DPF3: variants seen among roughly 807,000 people sequenced by gnomAD.
DPF3 encodes zinc finger protein DPF3.
DPF3 carries 18 observed loss-of-function variants against 56.8 expected under a neutral mutation model. That is an observed-to-expected ratio of 0.32 (90% CI 0.22 to 0.47). DPF3 has a LOEUF of 0.47. Ranked by LOEUF, DPF3 falls within the 20% of genes least tolerant of loss-of-function variation. DPF3 has a pLI of 1.00. For synonymous variants in DPF3, 188 were observed against 180.2 expected (o/e 1.04, Z -0.35); for missense variants, 403 against 488.8 (o/e 0.82, Z 1.65).
intron 3 of DPF3, among the ~76,000 whole-genome samples, chr14:72,746,085 T>C (rs1041400143): frequency 6.6e-6 from 1 of 152,198 alleles, no homozygotes; most frequent in Non-Finnish European, 1.5e-5. Flanking sequence ...ATACGTTTTG[T>C]AAACGTCCAC....
chr14:72,866,369 G>A (rs1885666350), intron 1 of DPF3, among the ~76,000 whole-genome samples: 1 of 150,600 alleles, frequency 6.6e-6, no homozygotes, highest in Admixed American at 6.6e-5. Flanking sequence ...TTTCGCCCAA[G>A]TATTTATAAT....
At chr14:72,862,306 C>T (rs1885471430) in intron 1 of DPF3, among the ~76,000 whole-genome samples, 1 of 152,188 alleles carries the variant, frequency 6.6e-6, no homozygotes, top group African/African-American at 2.4e-5. Flanking sequence ...AGCCCACACA[C>T]ACCTGCTGCC....
At chr14:72,667,976 A>G (rs1002438606) in intron 8 of DPF3, among the ~76,000 whole-genome samples, 1 of 152,208 alleles carries the variant, frequency 6.6e-6, no homozygotes, top group Non-Finnish European at 1.5e-5. Context: ...TCTTAACCTT[A>G]TTACTAACCT....
chr14:72,736,298 C>T (rs1176361306), intron 3 of DPF3, among the ~76,000 whole-genome samples: 1 of 152,112 alleles, frequency 6.6e-6, no homozygotes, highest in South Asian at 2.1e-4. Flanking sequence ...CCATTTAGAG[C>T]GTATCTCAAT....
At chr14:72,661,790 C>A in intron 8 of DPF3, 1 of 984,568 alleles carries the variant, frequency 1.0e-6, no homozygotes, top group Non-Finnish European at 1.2e-6. Context: ...TCCCTTTCCT[C>A]ATCTCTTCTA....
chr14:72,632,580 GGAGA>G (rs985211121), intron 8 of DPF3, among the ~76,000 whole-genome samples: 1 of 146,760 alleles, frequency 6.8e-6, no homozygotes, highest in Non-Finnish European at 1.5e-5. Flanking sequence ...ATAAGAAAAA[GGAGA>G]GAGAGAGGAA....
At position 72,639,018 on chromosome 14, in the gene DPF3, C is replaced by T. The variant is rs890339803; in HGVS notation, c.872-9282G>A. 3.9e-5 allele frequency among the ~76,000 whole-genome samples: 6 copies of T among 152,144 alleles called. 1 individual carries two copies. The highest frequency in any genetic ancestry group is 1.4e-4 in the African/African-American group (6 of 41,518). On this transcript the variant is annotated intron_variant, in intron 8 of 10. Coordinates refer to ENST00000556509, the MANE Select transcript of DPF3 (RefSeq NM_001280542.3). The stretch of plus-strand genomic sequence containing the variant: ...TTTTTTAGTAGAGACGGGGTTTCAC[C>T]GTGTTAGCCAGGATGGTCTCGATCT...
chr14:72,839,339 A>T (rs1209453575), intron 1 of DPF3, among the ~76,000 whole-genome samples: 1 of 152,170 alleles, frequency 6.6e-6, no homozygotes, highest in Non-Finnish European at 1.5e-5. Flanking sequence ...ATGAATTTTT[A>T]TCTTAAATAC....
intron 1 of DPF3, among the ~76,000 whole-genome samples, chr14:72,871,489 C>A (rs10145776): frequency 6.6e-6 from 1 of 152,354 alleles, no homozygotes; most frequent in African/African-American, 2.4e-5. Context: ...GGGTTTACAG[C>A]GCCCAGGTAG....
intron 1 of DPF3, among the ~76,000 whole-genome samples, chr14:72,784,611 G>A (rs1892132306): frequency 6.6e-6 from 1 of 152,040 alleles, no homozygotes; most frequent in African/African-American, 2.4e-5. Flanking sequence ...CTCATCAAGA[G>A]TCATTTATCA....
chr14:72,636,938 C>T (rs1885402017), intron 8 of DPF3, among the ~76,000 whole-genome samples: 1 of 152,162 alleles, frequency 6.6e-6, no homozygotes. Context: ...TGTGTGGCTG[C>T]CCTTTCTTGG....
At chr14:72,696,093 T>C (rs1356983340) in intron 6 of DPF3, among the ~76,000 whole-genome samples, 2 of 152,206 alleles carry the variant, frequency 1.3e-5, no homozygotes, top group Non-Finnish European at 2.9e-5. Context: ...GGTCATTGCA[T>C]ATAAATCCAT....
chr14:72,656,586 T>C (rs1452029083), intron 8 of DPF3, among the ~76,000 whole-genome samples: 1 of 152,224 alleles, frequency 6.6e-6, no homozygotes, highest in African/African-American at 2.4e-5. Context: ...TTTAATAAAA[T>C]ACAAAGCATA....
chr14:72,690,273 G>A (rs547321786), intron 7 of DPF3, among the ~76,000 whole-genome samples: 2 of 152,084 alleles, frequency 1.3e-5, no homozygotes, highest in South Asian at 2.1e-4. Flanking sequence ...AAACACACCC[G>A]CCCACGAGGG....
intron 1 of DPF3, among the ~76,000 whole-genome samples, chr14:72,892,858 C>A (rs1166244424): frequency 6.6e-6 from 1 of 152,176 alleles, no homozygotes; most frequent in Non-Finnish European, 1.5e-5. Context: ...CAATAGCACC[C>A]CTTTCAGAGC....
rs1884213764 is a variant in DPF3, at chr14:72,618,320, T to C, written c.*977A>G. Among the ~76,000 whole-genome samples, 1 of 152,062 alleles carries C rather than the reference T, an allele frequency of 6.6e-6. No individual in the cohort carries two copies. On this transcript the variant is annotated 3_prime_UTR_variant, in exon 11 of 11. Transcript: ENST00000556509. ...CAGAGCGTCGCATCAATACTGAAGG[T>C]TTCTCAAAGCTGCAGCCCCCTGTAT...
At chr14:72,743,437 G>A (rs141895310) in intron 3 of DPF3, among the ~76,000 whole-genome samples, 31 of 152,154 alleles carry the variant, frequency 2.0e-4, no homozygotes, top group Middle Eastern at 3.4e-3. Flanking sequence ...ATTCTGTGCC[G>A]CAGTTTCCCA....
intron 2 of DPF3, among the ~76,000 whole-genome samples, chr14:72,763,232 T>C (rs1891134155): frequency 6.6e-6 from 1 of 152,104 alleles, no homozygotes; most frequent in Non-Finnish European, 1.5e-5. Context: ...GCCAGTTTTT[T>C]GTAGAAATTG....
intron 3 of DPF3, among the ~76,000 whole-genome samples, chr14:72,739,172 G>C (rs2109793): frequency 0.37 from 55,636 of 151,576 alleles, 10,377 homozygotes; most frequent in Middle Eastern, 0.42. Flanking sequence ...AACCTGGAAG[G>C]GGGAGGTTGC....
Sources: allele counts gnomAD v4.1 joint callset (sites outside exome capture counted in the v4.1 genomes callset), GRCh38; gene constraint gnomAD v4.1.1; transcripts MANE v1.5; gene names NCBI Gene and HGNC (gene_info 2026-07-23, HGNC 2026-07-21).